The following EPM2A variants were observed in gnomAD, a reference collection of about 807,000 sequenced individuals.
EPM2A encodes laforin.
EPM2A carries 21 observed loss-of-function variants against 26.5 expected under a neutral mutation model. That is an observed-to-expected ratio of 0.79 (90% CI 0.56 to 1.14). The LOEUF (loss-of-function observed/expected upper bound fraction) is 1.14. EPM2A is among the 50% of genes most tolerant of loss of function. The probability of loss-of-function intolerance (pLI) is 0.00; values close to 1 mark genes in which losing one functional copy is unlikely to be tolerated. For synonymous variants in EPM2A, 217 were observed against 177.6 expected (o/e 1.22, Z -1.76); for missense variants, 458 against 440.8 (o/e 1.04, Z -0.35).
chr6:145,460,279 T>C (rs1779313327), intron 4 of EPM2A, among the ~76,000 whole-genome samples: 1 of 152,172 alleles, frequency 6.6e-6, no homozygotes, highest in African/African-American at 2.4e-5. Flanking sequence ...ATGGAAATTA[T>C]AAGAAAAGCC....
At chr6:145,581,309 G>C (rs1781109659) in intron 2 of EPM2A, among the ~76,000 whole-genome samples, 1 of 152,058 alleles carries the variant, frequency 6.6e-6, no homozygotes, top group Non-Finnish European at 1.5e-5. Flanking sequence ...CTTTGAAAAA[G>C]TGCCTTTTAT....
At chr6:145,394,894 T>C (rs1253531506) in intron 4 of EPM2A, among the ~76,000 whole-genome samples, 2 of 152,196 alleles carry the variant, frequency 1.3e-5, no homozygotes, top group African/African-American at 4.8e-5. Context: ...ACTTATAGGA[T>C]ATAAGCTTCC....
intron 2 of EPM2A, among the ~76,000 whole-genome samples, chr6:145,682,990 T>C (rs1413103260): frequency 6.6e-6 from 1 of 152,178 alleles, no homozygotes; most frequent in Non-Finnish European, 1.5e-5. Flanking sequence ...CTTAGCATTA[T>C]ACATTGTCAG....
intron 1 of EPM2A, among the ~76,000 whole-genome samples, chr6:145,710,976 TG>T (rs1775281939): frequency 2.7e-5 from 2 of 73,124 alleles, no homozygotes; most frequent in African/African-American, 1.1e-4. Context: ...TGTTGTGGGG[TG>T]GGGGGAGGGG....
chr6:145,452,599 G>C (rs937614121), intron 4 of EPM2A, among the ~76,000 whole-genome samples: 9 of 149,528 alleles, frequency 6.0e-5, no homozygotes, highest in Admixed American at 2.7e-4. Flanking sequence ...GTGAACCCAG[G>C]AGACGGAGCT....
At chr6:145,609,801 C>T (rs1322750584) in intron 2 of EPM2A, among the ~76,000 whole-genome samples, 1 of 152,096 alleles carries the variant, frequency 6.6e-6, no homozygotes, top group African/African-American at 2.4e-5. Flanking sequence ...CTTTGGTGTC[C>T]TTTAAGGAAA....
intron 4 of EPM2A, among the ~76,000 whole-genome samples, chr6:145,413,403 A>G (rs1040818859): frequency 6.6e-6 from 1 of 152,212 alleles, no homozygotes; most frequent in African/African-American, 2.4e-5. Flanking sequence ...AATTATCACC[A>G]TACCCTGTAA....
At chr6:145,688,263 CTACTATATTGGCCTAGG>C (rs1456992371) in intron 1 of EPM2A, among the ~76,000 whole-genome samples, 1 of 152,058 alleles carries the variant, frequency 6.6e-6, no homozygotes, top group Non-Finnish European at 1.5e-5. Flanking sequence ...ATTTAAGAAA[CTACTATATTGGCCTAGG>C]TAGTTTATGA....
chr6:145,450,329 G>T (rs1779179975), intron 4 of EPM2A, among the ~76,000 whole-genome samples: 1 of 147,378 alleles, frequency 6.8e-6, no homozygotes, highest in African/African-American at 2.5e-5. Flanking sequence ...CTCCAGCCTG[G>T]GAGACAGTGA....
Position 145,530,656 on chromosome 6 carries a change from C to A in EPM2A, c.341-28081G>T, listed in dbSNP as rs142575198. 1.0e-2 allele frequency among the ~76,000 whole-genome samples: 1,516 copies of A among 152,220 alleles called. 17 individuals carry two copies. The highest frequency in any genetic ancestry group is 0.016 in the Non-Finnish European group (1,068 of 67,964). On this transcript the variant is annotated intron_variant, in intron 2 of 3. Transcript: ENST00000450221. Reference sequence around the variant, plus strand: ...ATTGTGAAGAGTAACTGAGATCACACCTGTAATGTGCCCATAGCTGACAAT... The same window carrying A: ...ATTGTGAAGAGTAACTGAGATCACAACTGTAATGTGCCCATAGCTGACAAT...
In EPM2A at chr6:145,577,538, T is replaced by C. The variant is rs890435173; in HGVS notation, c.340+57707A>G. On this transcript the variant is annotated intron_variant, in intron 2 of 3. Coordinates refer to the EPM2A transcript ENST00000450221. ...TGCATTCAATGCTGGATCACCCACA[T>C]ATATAAAGCAAACATTATTAATGCT... is the stretch of plus-strand genomic sequence containing the variant. Among the ~76,000 whole-genome samples, 7 of 152,004 alleles carry C rather than the reference T, an allele frequency of 4.6e-5. No homozygotes were observed. The East Asian group carries it at 9.6e-4, about 21-fold the overall frequency.
chr6:145,625,837 AAG>A lies in EPM2A; in HGVS notation c.*1577_*1578del, dbSNP rs960774355. 6.5e-7 allele frequency: 1 copy of A among 1,547,484 alleles called. No homozygotes were observed. The highest frequency in any genetic ancestry group is 8.7e-7 in the Non-Finnish European group (1 of 1,144,486). On this transcript the variant is annotated 3_prime_UTR_variant, in exon 4 of 4. Coordinates refer to ENST00000367519, the MANE Select transcript of EPM2A (RefSeq NM_005670.4). ...TTCTTGTCCCCCACGCCTTCTAAAT[AAG>A]AGTCTCTTGCATCTATCAATATGTG...
chr6:145,452,489 CAAAAAAAAAAAAAAAAAA>C (rs563777945), intron 4 of EPM2A, among the ~76,000 whole-genome samples: 11 of 75,858 alleles, frequency 1.5e-4, no homozygotes, highest in South Asian at 1.1e-3. Flanking sequence ...ACTAAAAATA[CAAAAAAAAAAAAAAAAAA>C]AAAAAAAAAA....
chr6:145,690,249 G>A (rs542015290), intron 1 of EPM2A, among the ~76,000 whole-genome samples: 11 of 152,222 alleles, frequency 7.2e-5, no homozygotes, highest in African/African-American at 2.4e-4. Context: ...GGTGGCTCAC[G>A]CCTGTAATCC....
intron 2 of EPM2A, among the ~76,000 whole-genome samples, chr6:145,517,220 T>C (rs562727992): frequency 6.6e-6 from 1 of 152,202 alleles, no homozygotes; most frequent in Non-Finnish European, 1.5e-5. Flanking sequence ...TTTTTCAACA[T>C]GTATGAAGTT....
chr6:145,696,775 A>ATG (rs35621582), intron 1 of EPM2A, among the ~76,000 whole-genome samples: 6,121 of 135,156 alleles, frequency 0.045, 131 homozygotes, highest in South Asian at 0.074. Context: ...AGGTAGGGGT[A>ATG]TGTGTGTGTG....
At chr6:145,400,444 G>T (rs1373044439) in intron 4 of EPM2A, among the ~76,000 whole-genome samples, 3 of 152,104 alleles carry the variant, frequency 2.0e-5, no homozygotes, top group South Asian at 2.1e-4. Context: ...CCATTCAAAA[G>T]ATTTGTTCTA....
intron 2 of EPM2A, among the ~76,000 whole-genome samples, chr6:145,611,625 A>G (rs1775394090): frequency 6.6e-6 from 1 of 152,104 alleles, no homozygotes; most frequent in Non-Finnish European, 1.5e-5. Context: ...ATAACAATAC[A>G]TTGTCTGCAA....
chr6:145,705,021 A>C (rs1782136172), intron 1 of EPM2A, among the ~76,000 whole-genome samples: 1 of 152,232 alleles, frequency 6.6e-6, no homozygotes, highest in Non-Finnish European at 1.5e-5. Context: ...TTCCAGTTTG[A>C]AATTTCTGGA....
Sources: gnomAD v4.1 joint callset for allele counts (sites outside exome capture counted in the v4.1 genomes callset) on GRCh38, gnomAD v4.1.1 for gene constraint, MANE v1.5 for transcripts, NCBI Gene and HGNC (gene_info 2026-07-23, HGNC 2026-07-21) for gene names.